The following TRRAP variants were observed in gnomAD, a reference collection of about 807,000 sequenced individuals.
The protein encoded by TRRAP is transformation/transcription domain associated protein.
A neutral mutation model predicts 438.8 loss-of-function variants in TRRAP; 41 were observed. The ratio of observed to expected loss-of-function variants is 0.09; its 90% CI spans 0.07 to 0.12. The LOEUF (loss-of-function observed/expected upper bound fraction) is 0.12. Among genes scored for constraint, TRRAP ranks in the 10% least tolerant of loss-of-function variants. TRRAP has a pLI of 1.00. For synonymous variants in TRRAP, 1,994 were observed against 1,962.9 expected, an observed-to-expected ratio of 1.02 and a Z score of -0.42; for missense variants, 3,122 against 5,055.1, an observed-to-expected ratio of 0.62 and a Z score of 11.60.
intron 3 of TRRAP, among the ~76,000 whole-genome samples, chr7:98,888,474 T>C (rs1795812004): frequency 1.3e-5 from 2 of 151,836 alleles, no homozygotes; most frequent in South Asian, 4.1e-4. Context: ...GAGGCAGAGT[T>C]TGCAGTGAGC....
intron 58 of TRRAP, 148 bp from the exon 59 acceptor site, chr7:98,981,621 T>TG: frequency 1.3e-6 from 1 of 786,706 alleles, no homozygotes; most frequent in South Asian, 2.1e-5. Context: ...GCATGACTTC[T>TG]CTAAAGAAAA....
At position 98,959,434 on chromosome 7, in the gene TRRAP, A is replaced by T. The variant is rs767750667; in HGVS notation, c.6433A>T (p.Met2145Leu). 6.2e-7 allele frequency: 1 copy of T among 1,613,878 alleles called. No individual in the cohort carries two copies. The highest frequency in any genetic ancestry group is 1.1e-5 in the South Asian group (1 of 91,070). ...TCTGAAGACTGCGTTGCGGCCAGAC[A>T]TGTGGCCCAAGTCCGAACTCAAGCT... The part of the protein sequence containing the change: ...NLLKTALRPD[M>L]WPKSELKLQW... The change falls in exon 45 of 73, where the codon ATG (methionine) becomes TTG (leucine). Residue 2145 changes from methionine to leucine, a missense_variant. Transcript: ENST00000456197.
chr7:98,967,017 C>A (rs368580816), intron 49 of TRRAP, 24 bp from the exon 50 acceptor site: 1 of 1,593,534 alleles, frequency 6.3e-7, no homozygotes, highest in African/African-American at 1.4e-5. Context: ...CTTTTAACTG[C>A]GTCTTTTCTC....
intron 46 of TRRAP, 152 bp from the exon 47 acceptor site, chr7:98,962,150 G>C (rs555000598): frequency 2.7e-5 from 31 of 1,129,738 alleles, no homozygotes; most frequent in Non-Finnish European, 3.8e-5. Context: ...ACGGGAACCA[G>C]CCCAGAGGTG....
intron 21 of TRRAP, among the ~76,000 whole-genome samples, chr7:98,922,253 G>C (rs967928500): frequency 2.6e-5 from 4 of 152,192 alleles, no homozygotes. Flanking sequence ...GAGAACCTGA[G>C]TTGAGTCCAT....
chr7:98,902,694 T>C (rs970386219), intron 11 of TRRAP, among the ~76,000 whole-genome samples: 1 of 152,030 alleles, frequency 6.6e-6, no homozygotes, highest in Non-Finnish European at 1.5e-5. Context: ...CAAAAGAAGA[T>C]TGTGGTTAGA....
At chr7:98,951,180 C>T (rs73155645) in intron 39 of TRRAP, among the ~76,000 whole-genome samples, 176 bp downstream of exon 39, 3,988 of 152,010 alleles carry the variant, frequency 0.026, 75 homozygotes, top group South Asian at 0.055. Context: ...GTCACCTTAA[C>T]GATTCTTGTT....
rs751834522 is a variant in TRRAP, at chr7:98,971,929, C to G, written c.7823C>G (p.Thr2608Ser). 1.2e-6 allele frequency: 2 copies of G among 1,614,222 alleles called. No individual in the cohort carries two copies. Among genetic ancestry groups the G allele is most frequent in the Non-Finnish European group, 1.7e-6 (2 of 1,180,026 alleles). ...LTNRHDKFLD[T>S]LREVKTGALL... The stretch of plus-strand genomic sequence containing the variant: ...AACAGGCACGACAAGTTTCTGGACA[C>G]TCTCCGAGAGGTGAAGGTCTGTACG... Residue 2608 changes from threonine (T) to serine (S), a missense_variant, in exon 53 of 73, where the codon ACT becomes AGT. By Grantham distance (58) the Thr-to-Ser change is moderately conservative. This residue lies in a region of TRRAP where 992 missense variants were observed against 1,281.2 expected (regional missense o/e 0.77). Coordinates refer to ENST00000456197, the MANE Select transcript of TRRAP (RefSeq NM_001375524.1).
intron 67 of TRRAP, among the ~76,000 whole-genome samples, chr7:98,995,574 G>A (rs73711465): frequency 4.0e-5 from 6 of 151,822 alleles, no homozygotes; most frequent in Non-Finnish European, 8.8e-5. Flanking sequence ...ATGTTGTGAT[G>A]TGAGGAAAGG....
At position 98,890,346 on chromosome 7, in the gene TRRAP, A is replaced by G. The variant is rs140633398; in HGVS notation, c.162A>G (p.Ser54=). Reference sequence around the variant, plus strand: ...TTTTGCACAATTAGAATGTCACGTCATCTCCTCAGTATTCTACATTCCTAG... The same window carrying G: ...TTTTGCACAATTAGAATGTCACGTCGTCTCCTCAGTATTCTACATTCCTAG... ...EVSENFENVT[S]SPQYSTFLEH... The change falls in exon 4 of 73, where the codon TCA becomes TCG. Residue 54 remains serine, a synonymous_variant. Transcript: ENST00000456197. 1.8e-5 allele frequency: 28 copies of G among 1,564,526 alleles called. No individual in the cohort carries two copies. The African/African-American group carries it at 3.9e-4, about 22-fold the overall frequency.
At chr7:98,930,919 C>A in intron 25 of TRRAP, 89 bp downstream of exon 25, 1 of 1,503,626 alleles carries the variant, frequency 6.7e-7, no homozygotes, top group Non-Finnish European at 9.1e-7. Context: ...TGCAAATATG[C>A]TCTCCTAGCA....
intron 3 of TRRAP, among the ~76,000 whole-genome samples, chr7:98,886,344 A>G (rs1795696540): frequency 6.6e-6 from 1 of 152,086 alleles, no homozygotes; most frequent in African/African-American, 2.4e-5. Context: ...ATAGATAGAT[A>G]TAGATATCTA....
In TRRAP at chr7:98,979,705, A is replaced by G. The variant is rs1186398182; in HGVS notation, c.8634+801A>G. Among the ~76,000 whole-genome samples the G allele has an allele frequency of 3.9e-5, 6 of 152,194 alleles. 1 individual carries two copies. Among genetic ancestry groups the G allele is most frequent in the Admixed American group, 2.0e-4 (3 of 15,282 alleles). On this transcript the variant is annotated intron_variant, in intron 58 of 72. Transcript: ENST00000456197. ...CCCTTAGCTGGATATATGCAGCGTC[A>G]CATGGTCCCGAGGTCTCACAGATGC...
intron 43 of TRRAP, 88 bp from the exon 44 acceptor site, chr7:98,957,893 C>A: frequency 9.1e-7 from 1 of 1,097,342 alleles, no homozygotes; most frequent in Non-Finnish European, 1.4e-6. Context: ...GGAGGTACCG[C>A]ATACCCATTA....
Position 98,976,621 on chromosome 7 carries a change from C to G in TRRAP, c.8098C>G (p.Leu2700Val). Residue 2700 changes from leucine to valine, a missense_variant, in exon 55 of 73, where the codon CTG becomes GTG. Leu to Val is a conservative substitution (Grantham distance 32, BLOSUM62 1). Transcript: ENST00000456197. This position sits in a 1 kb window ranked among gnomAD's most constrained non-coding sequence, Gnocchi z 4.6. Reference sequence around the variant, plus strand: ...GCCAATCCCCATCCGACCCTGCGTCCTGAAGTACCTGGGGAAGACACACAA... The same window carrying G: ...GCCAATCCCCATCCGACCCTGCGTCGTGAAGTACCTGGGGAAGACACACAA... ...VPPIPIRPCV[L>V]KYLGKTHNLW... is the part of the protein sequence containing the mutation. 1 of 1,614,230 alleles carries G rather than the reference C, an allele frequency of 6.2e-7. No homozygotes were observed. Among genetic ancestry groups the G allele is most frequent in the Non-Finnish European group, 8.5e-7 (1 of 1,180,052 alleles).
chr7:98,930,294 C>T (rs545847725), intron 24 of TRRAP, 88 bp downstream of exon 24: 98 of 1,479,750 alleles, frequency 6.6e-5, no homozygotes, highest in Middle Eastern at 2.2e-4. Flanking sequence ...TTAAGAATTG[C>T]GGCCAGACGC....
At chr7:98,904,103 C>T (rs1026105891) in intron 12 of TRRAP, among the ~76,000 whole-genome samples, 4 of 152,090 alleles carry the variant, frequency 2.6e-5, no homozygotes, top group Admixed American at 2.0e-4. Flanking sequence ...AGCCACTGCA[C>T]CCAACCTCTT....
chr7:98,906,589 T>C lies in TRRAP; in HGVS notation c.1115+334T>C, dbSNP rs186182112. Among the ~76,000 whole-genome samples the C allele has an allele frequency of 5.7e-3, 863 of 152,106 alleles. 35 individuals are homozygous for C. Among genetic ancestry groups the C allele is most frequent in the Admixed American group, 0.055 (835 of 15,262 alleles). On this transcript the variant is annotated intron_variant, in intron 13 of 72. Transcript: ENST00000456197. ...CTGGGATTACAGGTGCCTACCACCA[T>C]GCCTGGCTAATTTTTGTATTTTTAG...
At chr7:98,904,965 G>C (rs1796656110) in intron 12 of TRRAP, among the ~76,000 whole-genome samples, 1 of 152,134 alleles carries the variant, frequency 6.6e-6, no homozygotes, top group Non-Finnish European at 1.5e-5. Context: ...CACTCATTCT[G>C]AAGAGCCAGT....
Sources: allele counts gnomAD v4.1 joint callset (sites outside exome capture counted in the v4.1 genomes callset), GRCh38; gene constraint gnomAD v4.1.1; regional missense constraint gnomAD v4.1.1; non-coding constraint Gnocchi (gnomAD v3.1); transcripts MANE v1.5; gene names NCBI Gene and HGNC (gene_info 2026-07-23, HGNC 2026-07-21).